LRP1B: variants seen among roughly 807,000 people sequenced by gnomAD.
The protein encoded by LRP1B is low-density lipoprotein receptor-related protein 1B.
A neutral mutation model predicts 556.6 loss-of-function variants in LRP1B; 217 were observed. That is an observed-to-expected ratio of 0.39 (90% CI 0.35 to 0.44). LRP1B has a LOEUF of 0.44. Ranked by LOEUF, LRP1B falls within the 20% of genes least tolerant of loss-of-function variation. LRP1B has a pLI of 1.00. For synonymous variants in LRP1B, 2,047 were observed against 1,865.8 expected (o/e 1.10, Z -2.50); for missense variants, 5,053 against 5,620.8 (o/e 0.90, Z 3.23).
At chr2:141,789,750 G>C (rs1223009731) in intron 2 of LRP1B, among the ~76,000 whole-genome samples, 1 of 151,988 alleles carries the variant, frequency 6.6e-6, no homozygotes, top group South Asian at 2.1e-4. Flanking sequence ...GGTAAGGTGA[G>C]TAGGGCCAAG....
intron 2 of LRP1B, among the ~76,000 whole-genome samples, chr2:141,603,507 A>T (rs1220255688): frequency 6.6e-6 from 1 of 152,080 alleles, no homozygotes; most frequent in African/African-American, 2.4e-5. Context: ...ATAATAGGGA[A>T]TTTTTCTGTC....
chr2:141,438,554 T>C (rs10198079), intron 3 of LRP1B, among the ~76,000 whole-genome samples: 30,111 of 152,028 alleles, frequency 0.2, 3,667 homozygotes, highest in East Asian at 0.45. Flanking sequence ...AGCAGCTACA[T>C]AGGGAAATAC....
At chr2:140,741,226 AT>A (rs1010827912) in intron 35 of LRP1B, among the ~76,000 whole-genome samples, 1 of 152,206 alleles carries the variant, frequency 6.6e-6, no homozygotes, top group Non-Finnish European at 1.5e-5. Flanking sequence ...GCAAGCAGAC[AT>A]TTGGGGAATC....
intron 3 of LRP1B, among the ~76,000 whole-genome samples, chr2:141,328,938 ATCT>A (rs1687530300): frequency 6.6e-6 from 1 of 152,176 alleles, no homozygotes; most frequent in African/African-American, 2.4e-5. Context: ...TTAACTGGTG[ATCT>A]TCTTTAAATG....
intron 35 of LRP1B, among the ~76,000 whole-genome samples, chr2:140,758,086 TA>T (rs568502601): frequency 6.6e-6 from 1 of 152,120 alleles, no homozygotes; most frequent in Non-Finnish European, 1.5e-5. Flanking sequence ...AGATGTTAGT[TA>T]AAATAAAGAA....
chr2:141,326,192 T>C lies in LRP1B; in HGVS notation c.344-71551A>G, dbSNP rs201190866. Among the ~76,000 whole-genome samples the C allele has an allele frequency of 3.4e-3, 525 of 152,214 alleles. 3 individuals carry two copies. Among genetic ancestry groups the C allele is most frequent in the African/African-American group, 0.012 (493 of 41,542 alleles). ...GGGAGTACAAACCAAGTAAGACATGTGCTTGTCAAGAATGGATAGTATGAT... is the reference window on the plus strand; with the variant it reads ...GGGAGTACAAACCAAGTAAGACATGCGCTTGTCAAGAATGGATAGTATGAT... On this transcript the variant is annotated intron_variant, in intron 3 of 90. Transcript: ENST00000389484.
At chr2:141,064,009 T>C (rs940880558) in intron 7 of LRP1B, among the ~76,000 whole-genome samples, 2 of 151,840 alleles carry the variant, frequency 1.3e-5, no homozygotes, top group Non-Finnish European at 1.5e-5. Context: ...GATGAAGCCT[T>C]CTCTAAAGTC....
chr2:140,994,421 A>G (rs1261471454), intron 15 of LRP1B, among the ~76,000 whole-genome samples: 1 of 83,718 alleles, frequency 1.2e-5, no homozygotes, highest in African/African-American at 4.4e-5. Flanking sequence ...GTGTGTGTGT[A>G]TCACAATTTC....
intron 7 of LRP1B, among the ~76,000 whole-genome samples, chr2:141,063,149 A>G (rs900720345): frequency 4.0e-5 from 6 of 151,856 alleles, no homozygotes; most frequent in Non-Finnish European, 7.4e-5. Flanking sequence ...ATAGAAGACC[A>G]TCTTGCCTTG....
chr2:141,550,112 T>C (rs138702086), intron 2 of LRP1B, among the ~76,000 whole-genome samples: 17 of 152,342 alleles, frequency 1.1e-4, no homozygotes, highest in East Asian at 3.9e-4. Context: ...TTGGCTTCAA[T>C]TGAAACTTCT....
At chr2:141,953,586 T>C (rs1051342381) in intron 1 of LRP1B, among the ~76,000 whole-genome samples, 1 of 152,108 alleles carries the variant, frequency 6.6e-6, no homozygotes, top group Non-Finnish European at 1.5e-5. Flanking sequence ...GAAATGCATA[T>C]TAATTTTAAC....
chr2:141,976,960 A>ATCT (rs942257960), intron 1 of LRP1B, among the ~76,000 whole-genome samples: 1 of 152,178 alleles, frequency 6.6e-6, no homozygotes, highest in African/African-American at 2.4e-5. Flanking sequence ...TATGAATGAA[A>ATCT]TCTTCTTATA....
chr2:142,099,589 G>C (rs10205169), intron 1 of LRP1B, among the ~76,000 whole-genome samples: 26,830 of 151,602 alleles, frequency 0.18, 2,596 homozygotes, highest in African/African-American at 0.24. Flanking sequence ...TTAAGTATTC[G>C]CAATCCCAAA....
chr2:142,115,246 GA>G (rs1025873456), intron 1 of LRP1B, among the ~76,000 whole-genome samples: 4 of 146,980 alleles, frequency 2.7e-5, no homozygotes, highest in East Asian at 2.0e-4. Context: ...TGCAAACAGA[GA>G]AAAAAAAATA....
At chr2:140,561,330 C>G (rs1318688421) in intron 43 of LRP1B, among the ~76,000 whole-genome samples, 1 of 152,134 alleles carries the variant, frequency 6.6e-6, no homozygotes, top group Admixed American at 6.6e-5. Context: ...ACCACACAGG[C>G]CTGGTTGAGT....
intron 4 of LRP1B, among the ~76,000 whole-genome samples, chr2:141,250,550 A>G (rs1184100141): frequency 6.6e-6 from 1 of 152,254 alleles, no homozygotes; most frequent in African/African-American, 2.4e-5. Flanking sequence ...TGCATCCTTT[A>G]TAATAAACTA....
chr2:140,407,989 T>C (rs1014574734), intron 66 of LRP1B, among the ~76,000 whole-genome samples: 3 of 152,016 alleles, frequency 2.0e-5, no homozygotes, highest in Non-Finnish European at 2.9e-5. Context: ...CATGGAATAC[T>C]ACTCAGCCAT....
chr2:141,969,605 A>G (rs892796870), intron 1 of LRP1B, among the ~76,000 whole-genome samples: 8 of 151,698 alleles, frequency 5.3e-5, no homozygotes, highest in Admixed American at 2.0e-4. Context: ...AAGGCTGAAT[A>G]GTATTCCACT....
At chr2:140,702,643 A>G (rs1686691850) in intron 37 of LRP1B, 90 bp from the exon 38 acceptor site, 5 of 1,148,820 alleles carry the variant, frequency 4.4e-6, no homozygotes, top group Admixed American at 1.9e-5. Context: ...TAACAGCAGT[A>G]GCATTCACAC....
Sources: allele counts gnomAD v4.1 joint callset (sites outside exome capture counted in the v4.1 genomes callset), GRCh38; gene constraint gnomAD v4.1.1; transcripts MANE v1.5; gene names NCBI Gene and HGNC (gene_info 2026-07-23, HGNC 2026-07-21).